The following LEPR variants were observed in gnomAD, a reference collection of about 807,000 sequenced individuals.
LEPR encodes leptin receptor.
In LEPR, 56 loss-of-function variants were observed where a neutral mutation model predicts 114.7. That is an observed-to-expected ratio of 0.49 (90% CI 0.39 to 0.61). The LOEUF (loss-of-function observed/expected upper bound fraction) is 0.61, where lower values mean the gene tolerates loss of function less well. LEPR is among the 20% of genes least tolerant of loss of function. The pLI is 0.00. For synonymous variants in LEPR, 443 were observed against 461.4 expected (o/e 0.96, Z 0.51); for missense variants, 1,202 against 1,352.9 (o/e 0.89, Z 1.75).
chr1:65,635,528 C>A, intron 19 of LEPR: 1 of 266,560 alleles, frequency 3.8e-6, no homozygotes, highest in Non-Finnish European at 5.8e-6. Flanking sequence ...GTGATCATCT[C>A]TTTCATCATC....
At position 65,434,440 on chromosome 1, in the gene LEPR, T is replaced by A. The variant is rs1646530980; in HGVS notation, c.-21+9062T>A. On this transcript the variant is annotated intron_variant, in intron 2 of 19. Coordinates refer to ENST00000349533, the MANE Select transcript of LEPR (RefSeq NM_002303.6). Reference sequence around the variant, plus strand: ...AATAATCTTATGAAGGGATTCTTTATCATGTTTCAAACAAGTGGGTTACAA... The same window carrying A: ...AATAATCTTATGAAGGGATTCTTTAACATGTTTCAAACAAGTGGGTTACAA... 4 of 985,306 alleles carry A rather than the reference T, an allele frequency of 4.1e-6. No homozygotes were observed. In the South Asian group the frequency reaches 1.9e-4, roughly 46 times the overall value. The allele number at this position is 985,306 out of a possible 1,614,324, so 61.0% of individuals were successfully genotyped here. A position where few individuals can be genotyped will look rare whatever the true frequency, so the allele number is the denominator to read the frequency against.
At position 65,458,288 on chromosome 1, in the gene LEPR, CT is replaced by C. The variant is rs1481580967; in HGVS notation, c.-21+32912del. 4.6e-5 allele frequency among the ~76,000 whole-genome samples: 7 copies of C among 152,282 alleles called. No individual in the cohort carries two copies. The East Asian group carries it at 7.7e-4, about 17-fold the overall frequency. The stretch of plus-strand genomic sequence containing the variant: ...ATTCCTTCTCAAATATTCCTCCCAT[CT>C]TCATTTAGATCTGAGTTTCAGGCCT... On this transcript the variant is annotated intron_variant, in intron 2 of 19. Coordinates refer to ENST00000349533, the MANE Select transcript of LEPR (RefSeq NM_002303.6).
At chr1:65,436,257 AT>A (rs959276285) in intron 2 of LEPR, among the ~76,000 whole-genome samples, 1 of 152,236 alleles carries the variant, frequency 6.6e-6, no homozygotes, top group Non-Finnish European at 1.5e-5. Flanking sequence ...GACATGGAAG[AT>A]TGGAAAAGCT....
intron 7 of LEPR, among the ~76,000 whole-genome samples, chr1:65,598,197 G>A (rs1010978448): frequency 1.4e-5 from 2 of 147,582 alleles, no homozygotes; most frequent in Non-Finnish European, 3.0e-5. Context: ...GTCTCCCAAA[G>A]TGTTGGGATT....
At chr1:65,634,893 C>T (rs776125115) in intron 19 of LEPR, 193 of 827,620 alleles carry the variant, frequency 2.3e-4, no homozygotes, top group Non-Finnish European at 2.7e-4. Context: ...AAAAAACAGG[C>T]ATAGGAACAG....
intron 5 of LEPR, among the ~76,000 whole-genome samples, chr1:65,586,785 C>T (rs1655346013): frequency 6.6e-6 from 1 of 151,962 alleles, no homozygotes; most frequent in Non-Finnish European, 1.5e-5. Flanking sequence ...ATGGGGTTAG[C>T]TGTTGGCATG....
chr1:65,530,479 G>C (rs191177572), intron 2 of LEPR, among the ~76,000 whole-genome samples: 157 of 152,312 alleles, frequency 1.0e-3, no homozygotes, highest in Non-Finnish European at 1.9e-3. Context: ...CCCAAGGTCT[G>C]CTGGTTGCCC....
intron 2 of LEPR, among the ~76,000 whole-genome samples, chr1:65,429,423 T>A (rs1465654999): frequency 6.6e-6 from 1 of 152,122 alleles, no homozygotes; most frequent in Non-Finnish European, 1.5e-5. Flanking sequence ...CCATAAAGGC[T>A]TTGTAGGCTA....
chr1:65,506,312 G>A (rs985036735), intron 2 of LEPR, among the ~76,000 whole-genome samples: 1 of 152,178 alleles, frequency 6.6e-6, no homozygotes, highest in Admixed American at 6.5e-5. Flanking sequence ...TAGGAGGATC[G>A]ATAAAAATTG....
chr1:65,601,021 T>A (rs1656406629), intron 8 of LEPR, among the ~76,000 whole-genome samples: 1 of 152,064 alleles, frequency 6.6e-6, no homozygotes, highest in African/African-American at 2.4e-5. Context: ...TTTCACTGAT[T>A]CCCAAAGCAG....
At chr1:65,466,822 A>G (rs1647019187) in intron 2 of LEPR, among the ~76,000 whole-genome samples, 1 of 152,104 alleles carries the variant, frequency 6.6e-6, no homozygotes, top group Non-Finnish European at 1.5e-5. Flanking sequence ...TGAATTGGCT[A>G]TTGAACCTTG....
chr1:65,441,888 C>G (rs1467489238), intron 2 of LEPR, among the ~76,000 whole-genome samples: 1 of 152,184 alleles, frequency 6.6e-6, no homozygotes, highest in Non-Finnish European at 1.5e-5. Flanking sequence ...CTTCTCCCTC[C>G]TTTGCCCCAG....
At chr1:65,559,936 C>G (rs1653184790) in intron 2 of LEPR, among the ~76,000 whole-genome samples, 1 of 145,148 alleles carries the variant, frequency 6.9e-6, no homozygotes, top group South Asian at 2.3e-4. Flanking sequence ...CAGTACCATG[C>G]TGTTTTGGTT....
intron 8 of LEPR, among the ~76,000 whole-genome samples, 199 bp downstream of exon 8, chr1:65,599,003 C>T (rs2100924243): frequency 6.6e-6 from 1 of 152,104 alleles, no homozygotes; most frequent in South Asian, 2.1e-4. Context: ...GTTTCTATTG[C>T]AGTATATTGT....
At position 65,566,201 on chromosome 1, in the gene LEPR, CT is replaced by C. The variant is rs35617332; in HGVS notation, c.40+616del. On this transcript the variant is annotated intron_variant, in intron 3 of 19. Coordinates refer to ENST00000349533, the MANE Select transcript of LEPR (RefSeq NM_002303.6). ...GGAAAAATATTTCTGTAGATTAATT[CT>C]TTTTTTTTTTTTTTTTTTTGAGACG... 5.5e-3 allele frequency among the ~76,000 whole-genome samples: 620 copies of C among 113,536 alleles called. 1 individual carries two copies. The highest frequency in any genetic ancestry group is 0.017 in the African/African-American group (522 of 30,242). 74.5% of individuals were successfully genotyped at this position (113,536 alleles called of 152,430 possible).
intron 2 of LEPR, among the ~76,000 whole-genome samples, chr1:65,543,736 C>T (rs1431833413): frequency 1.3e-5 from 2 of 151,952 alleles, no homozygotes; most frequent in African/African-American, 4.9e-5. Context: ...ATCCTTTCCC[C>T]ATTGCTTGTT....
chr1:65,585,657 AT>A (rs1214665927), intron 5 of LEPR, among the ~76,000 whole-genome samples: 1 of 152,038 alleles, frequency 6.6e-6, no homozygotes, highest in Non-Finnish European at 1.5e-5. Flanking sequence ...CTGAGTTTGT[AT>A]ATGTGTATGT....
intron 19 of LEPR, chr1:65,634,535 T>C: frequency 1.1e-6 from 1 of 941,700 alleles, no homozygotes; most frequent in Non-Finnish European, 1.3e-6. Flanking sequence ...CAATAGTATA[T>C]GAGTATGAGA....
chr1:65,601,313 G>A, intron 8 of LEPR, 79 bp from the exon 9 acceptor site: 1 of 1,523,836 alleles, frequency 6.6e-7, no homozygotes, highest in Non-Finnish European at 9.0e-7. Flanking sequence ...GGAATGTGTT[G>A]TGAATATTTT....
Sources: gnomAD v4.1 joint callset for allele counts (sites outside exome capture counted in the v4.1 genomes callset) on GRCh38, gnomAD v4.1.1 for gene constraint, MANE v1.5 for transcripts, NCBI Gene and HGNC (gene_info 2026-07-23, HGNC 2026-07-21) for gene names.